Variants in DRC11 observed in about 807,000 individuals in gnomAD.
DRC11 encodes IQ and AAA domain-containing protein 1.
chr2:236,419,050 A>G, the DRC11 span: 9 of 1,421,136 alleles, frequency 6.3e-6, no homozygotes, highest in African/African-American at 2.9e-5. This position sits in a 1 kb window ranked among gnomAD's most constrained non-coding sequence, Gnocchi z 4.8. Context: ...AAACGGCTGC[A>G]CTCCCAACAG....
chr2:236,431,970 CTTTGGTAAA>C, the DRC11 span, among the ~76,000 whole-genome samples: 1 of 152,100 alleles, frequency 6.6e-6, no homozygotes, highest in Non-Finnish European at 1.5e-5. This position sits in a 1 kb window ranked among gnomAD's most constrained non-coding sequence, Gnocchi z 4.2. Context: ...TTGCTAGGTC[CTTTGGTAAA>C]TTTATGTTTA....
At chr2:236,338,262 A>G in the DRC11 span, 10,368 of 1,614,036 alleles carry the variant, frequency 6.4e-3, 40 homozygotes, top group Non-Finnish European at 8.0e-3. Flanking sequence ...TAAACTTTGC[A>G]GAAAGATTGG....
the DRC11 span, among the ~76,000 whole-genome samples, chr2:236,403,175 A>G: frequency 1.3e-5 from 2 of 151,992 alleles, no homozygotes; most frequent in Non-Finnish European, 2.9e-5. Context: ...GAGGTGTGAC[A>G]AAGGGTTTCC....
At chr2:236,357,686 T>G in the DRC11 span, among the ~76,000 whole-genome samples, 1 of 87,330 alleles carries the variant, frequency 1.1e-5, no homozygotes, top group Admixed American at 1.0e-4. Context: ...ATATTTACAA[T>G]ATGTAAATAT....
chr2:236,398,115 G>A, the DRC11 span, among the ~76,000 whole-genome samples: 2 of 152,184 alleles, frequency 1.3e-5, no homozygotes, highest in African/African-American at 4.8e-5. The surrounding 1 kb of genome is among the most constrained non-coding windows in gnomAD (Gnocchi z 6.2). Flanking sequence ...AATATTAAAT[G>A]AGATGGGCAT....
At chr2:236,460,874 C>T in the DRC11 span, among the ~76,000 whole-genome samples, 1 of 152,184 alleles carries the variant, frequency 6.6e-6, no homozygotes, top group Non-Finnish European at 1.5e-5. The surrounding 1 kb of genome is among the most constrained non-coding windows in gnomAD (Gnocchi z 4.0). Context: ...CTCACTTCAA[C>T]CTCCCGAGTA....
the DRC11 span, among the ~76,000 whole-genome samples, chr2:236,459,717 G>T: frequency 7.2e-6 from 1 of 139,204 alleles, no homozygotes; most frequent in African/African-American, 2.6e-5. Context: ...ATATATATGA[G>T]AGAAAAGGAC....
chr2:236,402,540 A>G, the DRC11 span, among the ~76,000 whole-genome samples: 5 of 152,092 alleles, frequency 3.3e-5, no homozygotes, highest in Admixed American at 1.3e-4. The surrounding 1 kb of genome is among the most constrained non-coding windows in gnomAD (Gnocchi z 6.0). Flanking sequence ...CTCTCACTTC[A>G]TGGGGTGGGG....
the DRC11 span, among the ~76,000 whole-genome samples, chr2:236,435,782 T>C: frequency 2.0e-5 from 3 of 152,166 alleles, no homozygotes; most frequent in Non-Finnish European, 4.4e-5. Flanking sequence ...TAATGCCATA[T>C]TGGTAGAGTT....
chr2:236,333,633 C>T, the DRC11 span, among the ~76,000 whole-genome samples: 3 of 152,122 alleles, frequency 2.0e-5, no homozygotes, highest in Admixed American at 6.6e-5. This position sits in a 1 kb window ranked among gnomAD's most constrained non-coding sequence, Gnocchi z 6.0. Flanking sequence ...AAATTCCTGC[C>T]GTGGTGCAAA....
At chr2:236,323,753 A>C in the DRC11 span, among the ~76,000 whole-genome samples, 4 of 152,208 alleles carry the variant, frequency 2.6e-5, no homozygotes, top group Non-Finnish European at 4.4e-5. This position sits in a 1 kb window ranked among gnomAD's most constrained non-coding sequence, Gnocchi z 6.4. Flanking sequence ...TCCCATCTCA[A>C]TTGAAGTCTA....
At chr2:236,462,657 C>G in the DRC11 span, among the ~76,000 whole-genome samples, 3 of 152,130 alleles carry the variant, frequency 2.0e-5, no homozygotes, top group African/African-American at 7.2e-5. This position sits in a 1 kb window ranked among gnomAD's most constrained non-coding sequence, Gnocchi z 6.4. Context: ...GGTGACACAG[C>G]GAGACCCTGC....
At chr2:236,400,722 C>T in the DRC11 span, among the ~76,000 whole-genome samples, 1,011 of 152,286 alleles carry the variant, frequency 6.6e-3, 8 homozygotes, top group African/African-American at 0.023. This position sits in a 1 kb window ranked among gnomAD's most constrained non-coding sequence, Gnocchi z 7.9. Context: ...CTGACTCTGG[C>T]ACCTGATGGG....
At chr2:236,357,270 T>C in the DRC11 span, among the ~76,000 whole-genome samples, 7 of 67,370 alleles carry the variant, frequency 1.0e-4, no homozygotes, top group African/African-American at 5.1e-4. Flanking sequence ...ATTATAAATA[T>C]ACATATATTA....
the DRC11 span, chr2:236,465,380 C>A: frequency 1.3e-6 from 1 of 771,274 alleles, no homozygotes; most frequent in South Asian, 1.8e-5. This position sits in a 1 kb window ranked among gnomAD's most constrained non-coding sequence, Gnocchi z 6.2. Flanking sequence ...TGGCATTTCA[C>A]GTTTCTAAAA....
the DRC11 span, chr2:236,343,696 G>T: frequency 1.5e-6 from 2 of 1,302,152 alleles, no homozygotes; most frequent in South Asian, 2.5e-5. The surrounding 1 kb of genome is among the most constrained non-coding windows in gnomAD (Gnocchi z 6.6). Flanking sequence ...CATCCATTTT[G>T]CATACCTACT....
At chr2:236,456,891 G>T in the DRC11 span, among the ~76,000 whole-genome samples, 1 of 152,192 alleles carries the variant, frequency 6.6e-6, no homozygotes, top group Non-Finnish European at 1.5e-5. The surrounding 1 kb of genome is among the most constrained non-coding windows in gnomAD (Gnocchi z 5.4). Context: ...CAGTCCCAGG[G>T]TCCAGAGATG....
the DRC11 span, among the ~76,000 whole-genome samples, chr2:236,436,534 T>G: frequency 1.3e-5 from 2 of 152,128 alleles, no homozygotes; most frequent in Non-Finnish European, 1.5e-5. Flanking sequence ...CTCTACTTGA[T>G]TTTGCCAAAT....
the DRC11 span, among the ~76,000 whole-genome samples, chr2:236,422,647 A>G: frequency 1.3e-5 from 2 of 152,236 alleles, no homozygotes; most frequent in Admixed American, 6.5e-5. Flanking sequence ...TATAGATTCA[A>G]TGTCATCCCC....
Sources: gnomAD v4.1 joint callset for allele counts (sites outside exome capture counted in the v4.1 genomes callset) on GRCh38, gnomAD v4.1.1 for gene constraint, Gnocchi (gnomAD v3.1) non-coding constraint, MANE v1.5 for transcripts, NCBI Gene and HGNC (gene_info 2026-07-23, HGNC 2026-07-21) for gene names.